Variants in MTCL2 observed in about 807,000 individuals in gnomAD.
MTCL2 encodes microtubule crosslinking factor 2, also known as microtubule cross-linking factor 2.
chr20:36,818,045 C>A, the MTCL2 span, among the ~76,000 whole-genome samples: 1 of 152,200 alleles, frequency 6.6e-6, no homozygotes, highest in Non-Finnish European at 1.5e-5. Flanking sequence ...GGGTCCATGA[C>A]CCCTTGCCTC....
At chr20:36,862,413 G>A in the MTCL2 span, among the ~76,000 whole-genome samples, 2 of 150,938 alleles carry the variant, frequency 1.3e-5, no homozygotes, top group Non-Finnish European at 3.0e-5. Flanking sequence ...TCAAGTCCCC[G>A]CTCCCAGGTT....
At chr20:36,801,095 C>T in the MTCL2 span, among the ~76,000 whole-genome samples, 2 of 151,976 alleles carry the variant, frequency 1.3e-5, no homozygotes, top group Non-Finnish European at 2.9e-5. Context: ...GGCTGGAGTG[C>T]AGTGGCATGA....
chr20:36,801,192 T>G, the MTCL2 span, among the ~76,000 whole-genome samples: 1 of 152,084 alleles, frequency 6.6e-6, no homozygotes, highest in East Asian at 1.9e-4. Context: ...AGGCACACAT[T>G]GCCACAACCA....
the MTCL2 span, chr20:36,781,105 C>T: frequency 6.6e-6 from 1 of 152,028 alleles, no homozygotes; most frequent in East Asian, 1.9e-4. Context: ...TTTACTGAAC[C>T]CCTATGATTA....
At chr20:36,841,282 G>A in the MTCL2 span, among the ~76,000 whole-genome samples, 5 of 151,302 alleles carry the variant, frequency 3.3e-5, no homozygotes, top group Non-Finnish European at 5.9e-5. Context: ...GCAGTGAGCC[G>A]AGATTGCACC....
the MTCL2 span, among the ~76,000 whole-genome samples, chr20:36,846,039 C>G: frequency 6.6e-6 from 1 of 152,054 alleles, no homozygotes; most frequent in South Asian, 2.1e-4. Context: ...AACCTTGTCT[C>G]TACTAAAAAT....
chr20:36,832,557 G>A, the MTCL2 span, among the ~76,000 whole-genome samples: 1 of 152,312 alleles, frequency 6.6e-6, no homozygotes, highest in East Asian at 1.9e-4. Context: ...GCACAGGCCA[G>A]GCACGATGAC....
the MTCL2 span, among the ~76,000 whole-genome samples, chr20:36,788,333 G>A: frequency 6.6e-5 from 10 of 151,866 alleles, no homozygotes; most frequent in Non-Finnish European, 1.5e-4. Context: ...TTGAGCAATA[G>A]AGCAAGACCC....
At chr20:36,841,249 C>A in the MTCL2 span, among the ~76,000 whole-genome samples, 1 of 147,498 alleles carries the variant, frequency 6.8e-6, no homozygotes, top group Non-Finnish European at 1.5e-5. Context: ...ATGAGAATCA[C>A]TTGAACCTAG....
the MTCL2 span, chr20:36,829,009 C>G: frequency 6.7e-7 from 1 of 1,481,546 alleles, no homozygotes; most frequent in African/African-American, 1.4e-5. Flanking sequence ...CTTGCATGTG[C>G]CCACCTGCCC....
the MTCL2 span, among the ~76,000 whole-genome samples, chr20:36,788,806 C>CTTT: frequency 1.4e-5 from 2 of 142,570 alleles, no homozygotes; most frequent in African/African-American, 5.3e-5. Flanking sequence ...CTTTTCTTTT[C>CTTT]TTTTTTTTTT....
chr20:36,838,141 C>T, the MTCL2 span, among the ~76,000 whole-genome samples: 2 of 152,004 alleles, frequency 1.3e-5, no homozygotes, highest in Admixed American at 1.3e-4. Context: ...AGCTCCGCCT[C>T]GTGGGTTCAC....
the MTCL2 span, among the ~76,000 whole-genome samples, chr20:36,792,857 T>TAGACAGACAGAC: frequency 2.9e-5 from 4 of 137,502 alleles, no homozygotes; most frequent in African/African-American, 9.7e-5. Flanking sequence ...GATAGATAGA[T>TAGACAGACAGAC]AGACAGACAG....
the MTCL2 span, among the ~76,000 whole-genome samples, chr20:36,835,216 G>A: frequency 6.6e-6 from 1 of 152,184 alleles, no homozygotes; most frequent in African/African-American, 2.4e-5. Context: ...TCCGCCCCGT[G>A]ACCTTGCCCT....
At chr20:36,796,948 C>T in the MTCL2 span, 114 of 1,613,898 alleles carry the variant, frequency 7.1e-5, 1 homozygote, top group African/African-American at 1.1e-3. Flanking sequence ...CTTCTCACTG[C>T]GTGTCTGTCA....
the MTCL2 span, chr20:36,783,764 A>T: frequency 5.1e-6 from 5 of 985,306 alleles, no homozygotes; most frequent in African/African-American, 8.7e-5. Flanking sequence ...AGAAACCAAC[A>T]AACTTAGAAA....
the MTCL2 span, among the ~76,000 whole-genome samples, chr20:36,806,448 T>C: frequency 6.6e-6 from 1 of 152,246 alleles, no homozygotes; most frequent in Non-Finnish European, 1.5e-5. Flanking sequence ...ATTATGTTTA[T>C]ATCTTATTAA....
the MTCL2 span, among the ~76,000 whole-genome samples, chr20:36,856,092 A>G: frequency 1.3e-5 from 2 of 151,960 alleles, no homozygotes; most frequent in East Asian, 3.9e-4. Context: ...GACTCTCCCC[A>G]TCCCTGCCAG....
chr20:36,806,254 G>A, the MTCL2 span, among the ~76,000 whole-genome samples: 1 of 152,192 alleles, frequency 6.6e-6, no homozygotes, highest in Admixed American at 6.5e-5. Flanking sequence ...ACCTTGCTGG[G>A]GGGTTGGACT....
Sources: allele counts gnomAD v4.1 joint callset (sites outside exome capture counted in the v4.1 genomes callset), GRCh38; gene constraint gnomAD v4.1.1; transcripts MANE v1.5; gene names NCBI Gene and HGNC (gene_info 2026-07-23, HGNC 2026-07-21).